Variants in CFAP92 observed in about 807,000 individuals in gnomAD.
CFAP92 encodes the protein cilia and flagella associated protein 92 (putative), also known as uncharacterized protein CFAP92.
A neutral mutation model predicts 106.3 loss-of-function variants in CFAP92; 86 were observed. The observed-to-expected ratio is 0.81, with a 90% CI of 0.68 to 0.97. CFAP92 has a LOEUF of 0.97. Ranked by LOEUF, CFAP92 falls within the 50% of genes least tolerant of loss-of-function variation. The pLI is 0.00. For missense variants in CFAP92, 1,204 were observed against 1,283.8 expected, an observed-to-expected ratio of 0.94 and a Z score of 0.95; for synonymous variants, 477 against 506.4, an observed-to-expected ratio of 0.94 and a Z score of 0.78.
upstream of CFAP92, chr3:129,003,701 T>G: frequency 1.7e-6 from 2 of 1,172,744 alleles, no homozygotes; most frequent in Non-Finnish European, 2.2e-6. Context: ...CGCTTCTGGG[T>G]GCAGAGGCAT....
chr3:128,956,253 T>C (rs1449220230), intron 9 of CFAP92, among the ~76,000 whole-genome samples: 1 of 105,002 alleles, frequency 9.5e-6, no homozygotes, highest in Non-Finnish European at 2.2e-5. Flanking sequence ...AAAAAGAAAT[T>C]ACCCAATCTG....
chr3:128,997,485 T>C (rs1944524880), upstream of CFAP92, among the ~76,000 whole-genome samples: 1 of 152,218 alleles, frequency 6.6e-6, no homozygotes, highest in Non-Finnish European at 1.5e-5. Context: ...CAACTCCCAG[T>C]CCTAGGCAAC....
chr3:128,976,525 C>T (rs1479868951), intron 6 of CFAP92, among the ~76,000 whole-genome samples: 3 of 152,322 alleles, frequency 2.0e-5, no homozygotes, highest in Admixed American at 2.0e-4. Flanking sequence ...CTTCCATTCT[C>T]TCCCTTGTCC....
rs1942072001 is a variant in CFAP92 at position 128,963,069 on chromosome 3, C to T, written c.1353+2442G>A. Among the ~76,000 whole-genome samples the T allele has an allele frequency of 2.0e-5, 3 of 152,266 alleles. No individual in the cohort carries two copies. In the South Asian group the frequency reaches 6.2e-4, roughly 32 times the overall value. The stretch of plus-strand genomic sequence containing the variant: ...TTACCTGGGCTGTACTGCCGCAAGG[C>T]TTCACAGACAGCCCCCATTACTTCA... On this transcript the variant is annotated intron_variant, in intron 9 of 15. Transcript: ENST00000645291.
chr3:128,967,393 T>A (rs2107772503), intron 8 of CFAP92: 1 of 152,238 alleles, frequency 6.6e-6, no homozygotes, highest in East Asian at 1.9e-4. Flanking sequence ...TTGTGAGCCT[T>A]TTCACATGAA....
chr3:128,987,642 T>C lies in CFAP92; in HGVS notation c.641A>G (p.Asp214Gly). The C allele has an allele frequency of 6.2e-7, 1 of 1,614,018 alleles. No individual in the cohort carries two copies. The highest frequency in any genetic ancestry group is 8.5e-7 in the Non-Finnish European group (1 of 1,179,884). Reference sequence around the variant, plus strand: ...TGACTTATGAAAAGCTCCCACGTCGTCTGTGAAGCCGGCAGTCTTTAATCG... The same window carrying C: ...TGACTTATGAAAAGCTCCCACGTCGCCTGTGAAGCCGGCAGTCTTTAATCG... ...YYRLKTAGFT[D>G]DVGAFHKSEV... Residue 214 changes from aspartate (D) to glycine (G), a missense_variant, in exon 4 of 16, where the codon GAC becomes GGC. Asp to Gly is a moderately conservative substitution (Grantham distance 94). Coordinates refer to ENST00000645291, the MANE Select transcript of CFAP92 (RefSeq NM_001394090.1).
intron 9 of CFAP92, among the ~76,000 whole-genome samples, chr3:128,963,468 TC>T (rs574131300): frequency 1.2e-3 from 178 of 152,244 alleles, no homozygotes; most frequent in African/African-American, 3.4e-3. Context: ...TACTTTCTGC[TC>T]CCCGGCTCCT....
At position 128,932,330 on chromosome 3, in the gene CFAP92, C is replaced by G. The variant is rs538010293; in HGVS notation, c.2751+370G>C. On this transcript the variant is annotated intron_variant, in intron 12 of 15. Coordinates refer to ENST00000645291, the MANE Select transcript of CFAP92 (RefSeq NM_001394090.1). ...GCAGATTAGTTTATGTCCCATGTTG[C>G]TTGGACATCTTATGACACTTATGCC... Among the ~76,000 whole-genome samples the G allele has an allele frequency of 6.6e-5, 10 of 151,882 alleles. No individual in the cohort carries two copies. In the East Asian group the frequency reaches 1.9e-3, roughly 29 times the overall value.
At chr3:128,911,184 G>A (rs1936266434) in intron 15 of CFAP92, among the ~76,000 whole-genome samples, 2 of 152,170 alleles carry the variant, frequency 1.3e-5, no homozygotes, top group Non-Finnish European at 2.9e-5. Flanking sequence ...AGCCTCCCGA[G>A]TAGCTGGGAT....
At chr3:128,986,370 G>T (rs1943858403) in intron 4 of CFAP92, among the ~76,000 whole-genome samples, 1 of 151,722 alleles carries the variant, frequency 6.6e-6, no homozygotes, top group African/African-American at 2.4e-5. Flanking sequence ...CTTCCAAGAA[G>T]CTAGAATTAC....
chr3:129,012,462 A>G, the CFAP92 span, among the ~76,000 whole-genome samples: 9 of 152,086 alleles, frequency 5.9e-5, no homozygotes, highest in Non-Finnish European at 2.9e-5. Context: ...CCTGCTCCAC[A>G]TAGCTGGGAA....
intron 9 of CFAP92, among the ~76,000 whole-genome samples, chr3:128,958,076 A>G (rs909935410): frequency 6.6e-6 from 1 of 151,892 alleles, no homozygotes; most frequent in Non-Finnish European, 1.5e-5. Context: ...TCTGGGTCCA[A>G]TTTTCCCCCT....
chr3:128,929,720 C>A (rs1227774390), intron 12 of CFAP92, among the ~76,000 whole-genome samples: 2 of 152,140 alleles, frequency 1.3e-5, no homozygotes, highest in Non-Finnish European at 2.9e-5. Context: ...TCAGACAAGT[C>A]AAATCTATCA....
At chr3:128,918,967 GAC>G in intron 12 of CFAP92, among the ~76,000 whole-genome samples, 1 of 107,342 alleles carries the variant, frequency 9.3e-6, no homozygotes, top group East Asian at 2.9e-4. Flanking sequence ...TTTTTTTTGA[GAC>G]AGAGTTTTGC....
upstream of CFAP92, chr3:129,003,948 G>A (rs1490064353): frequency 1.1e-5 from 15 of 1,414,032 alleles, no homozygotes; most frequent in South Asian, 1.2e-4. Flanking sequence ...GTGCGGCGGC[G>A]CGCGGAGGAG....
chr3:128,977,939 C>G, intron 5 of CFAP92, 106 bp downstream of exon 5: 1 of 1,451,582 alleles, frequency 6.9e-7, no homozygotes, highest in Admixed American at 1.8e-5. Flanking sequence ...GCTGCCAATA[C>G]ACAGGAGGGA....
At chr3:128,922,721 C>A (rs982887516) in intron 12 of CFAP92, among the ~76,000 whole-genome samples, 1 of 152,162 alleles carries the variant, frequency 6.6e-6, no homozygotes, top group Admixed American at 6.5e-5. Flanking sequence ...TACCATGTCA[C>A]GGGCCAGATG....
chr3:129,026,145 C>T, the CFAP92 span, among the ~76,000 whole-genome samples: 1 of 152,252 alleles, frequency 6.6e-6, no homozygotes, highest in Non-Finnish European at 1.5e-5. Flanking sequence ...TCAGAACATT[C>T]TGAAGGGTTT....
chr3:128,921,082 C>G (rs1182448090), intron 12 of CFAP92, among the ~76,000 whole-genome samples: 1 of 152,190 alleles, frequency 6.6e-6, no homozygotes, highest in Non-Finnish European at 1.5e-5. Context: ...CCTTCACAGC[C>G]TCCATACTAG....
Sources: allele counts gnomAD v4.1 joint callset (sites outside exome capture counted in the v4.1 genomes callset), GRCh38; gene constraint gnomAD v4.1.1; transcripts MANE v1.5; gene names NCBI Gene and HGNC (gene_info 2026-07-23, HGNC 2026-07-21).